The following KCNQ1 variants were observed in gnomAD, a reference collection of about 807,000 sequenced individuals.
The protein encoded by KCNQ1 is potassium voltage-gated channel subfamily KQT member 1.
A neutral mutation model predicts 72.4 loss-of-function variants in KCNQ1; 49 were observed. The ratio of observed to expected loss-of-function variants is 0.68; its 90% confidence interval spans 0.54 to 0.86. The LOEUF (loss-of-function observed/expected upper bound fraction) is 0.86, where lower values mean the gene tolerates loss of function less well. Ranked by LOEUF, KCNQ1 falls within the 40% of genes least tolerant of loss-of-function variation. The probability of loss-of-function intolerance (pLI) is 0.00; values close to 1 mark genes in which losing one functional copy is unlikely to be tolerated. For synonymous variants in KCNQ1, 450 were observed against 412.6 expected, an observed-to-expected ratio of 1.09 and a Z score of -1.10; for missense variants, 790 against 945.1, an observed-to-expected ratio of 0.84 and a Z score of 2.15.
chr11:2,656,411 C>G (rs568848594), intron 10 of KCNQ1: 2 of 398,664 alleles, frequency 5.0e-6, no homozygotes, highest in Non-Finnish European at 8.8e-6. Flanking sequence ...AGAGCCCTTT[C>G]ACTCTGAGCC....
At chr11:2,534,984 C>G (rs1340344407) in intron 2 of KCNQ1, among the ~76,000 whole-genome samples, 1 of 152,200 alleles carries the variant, frequency 6.6e-6, no homozygotes, top group Non-Finnish European at 1.5e-5. Context: ...GCACTGAGCC[C>G]CTGGAGCTAG....
At chr11:2,637,306 C>T (rs1301940157) in intron 10 of KCNQ1, 1 of 152,140 alleles carries the variant, frequency 6.6e-6, no homozygotes, top group Non-Finnish European at 1.5e-5. Flanking sequence ...CCTGCTTTCT[C>T]TTGTGGGCAT....
chr11:2,587,972 G>C (rs1378134895), intron 9 of KCNQ1, among the ~76,000 whole-genome samples: 3 of 152,136 alleles, frequency 2.0e-5, no homozygotes, highest in African/African-American at 7.2e-5. Flanking sequence ...TGGAAAGAAG[G>C]CTCTTCAGAG....
At chr11:2,570,433 A>C (rs1326952535) in intron 2 of KCNQ1, among the ~76,000 whole-genome samples, 195 bp from the exon 3 acceptor site, 1 of 152,124 alleles carries the variant, frequency 6.6e-6, no homozygotes, top group Non-Finnish European at 1.5e-5. Context: ...TATGGACATG[A>C]GCTGAAGCTG....
chr11:2,826,688 G>A lies in KCNQ1; in HGVS notation c.1795-21079G>A, dbSNP rs752627919. 2.0e-5 allele frequency among the ~76,000 whole-genome samples: 3 copies of A among 152,242 alleles called. No homozygotes were observed. Among genetic ancestry groups the A allele is most frequent in the Non-Finnish European group, 4.4e-5 (3 of 68,036 alleles). ...GGGAGAACAGAGAGGGGTGCAGAGG[G>A]CCAGAGAGGCACGGGGCTCCCCTGG... On this transcript the variant is annotated intron_variant, in intron 15 of 15. Transcript: ENST00000155840. This position sits in a 1 kb window ranked among gnomAD's most constrained non-coding sequence, Gnocchi z 4.2.
At chr11:2,845,050 C>CA (rs747359829) in intron 15 of KCNQ1, among the ~76,000 whole-genome samples, 4 of 152,156 alleles carry the variant, frequency 2.6e-5, no homozygotes, top group Non-Finnish European at 5.9e-5. Flanking sequence ...TCAGTTTCCT[C>CA]ATGTGCACCC....
chr11:2,570,393 G>C (rs1344718992), intron 2 of KCNQ1, among the ~76,000 whole-genome samples: 1 of 152,236 alleles, frequency 6.6e-6, no homozygotes, highest in Non-Finnish European at 1.5e-5. Context: ...CCTGGCCTGA[G>C]AGCTGCAGCC....
At chr11:2,811,674 G>A (rs144698447) in intron 15 of KCNQ1, among the ~76,000 whole-genome samples, 61 of 152,336 alleles carry the variant, frequency 4.0e-4, no homozygotes, top group Non-Finnish European at 6.6e-4. Context: ...CCCAGTGGGC[G>A]CGCAGCACAA....
In KCNQ1 at chr11:2,610,802, C is replaced by T. The variant is rs979904124; in HGVS notation, c.1393+21948C>T. The T allele has an allele frequency of 7.6e-5, 22 of 288,798 alleles. No homozygotes were observed. The South Asian group carries it at 9.9e-4, about 13-fold the overall frequency. 17.9% of individuals were successfully genotyped at this position (288,798 alleles called of 1,614,324 possible). On this transcript the variant is annotated intron_variant, in intron 10 of 15. Coordinates refer to ENST00000155840, the MANE Select transcript of KCNQ1 (RefSeq NM_000218.3). ...ACTTTCTGGGTACCACTGTTTCTGA[C>T]GAAAAGTCAGCTCCACATTTGTCTC...
chr11:2,611,797 C>A lies in KCNQ1; in HGVS notation c.1393+22943C>A, dbSNP rs909641264. 2 of 398,284 alleles carry A rather than the reference C, an allele frequency of 5.0e-6. No homozygotes were observed. Among genetic ancestry groups the A allele is most frequent in the Non-Finnish European group, 8.8e-6 (2 of 226,010 alleles). The allele number at this position is 398,284 out of a possible 1,614,324, so 24.7% of individuals were successfully genotyped here. On this transcript the variant is annotated intron_variant, in intron 10 of 15. Transcript: ENST00000155840. This position sits in a 1 kb window ranked among gnomAD's most constrained non-coding sequence, Gnocchi z 5.3. ...TATCACTTTTGTTCCTCTCTTCCTC[C>A]TTTACTGCCTTCTGCAGGTTGAATA...
chr11:2,587,835 T>A (rs1016481444), intron 9 of KCNQ1, 143 bp downstream of exon 9: 6 of 1,172,540 alleles, frequency 5.1e-6, no homozygotes, highest in Non-Finnish European at 7.4e-6. Flanking sequence ...TTCGGGACAC[T>A]GGGCCATACA....
rs1016972122 is a variant in KCNQ1 at position 2,784,147 on chromosome 11, C to T, written c.1794+6110C>T. ...TTGTATAGAATTAGCTCTTACATTT[C>T]GGTCTATATTTACTTTGAGGTAATT... On this transcript the variant is annotated intron_variant, in intron 15 of 15. Transcript: ENST00000155840. The surrounding 1 kb of genome is among the most constrained non-coding windows in gnomAD (Gnocchi z 4.7). 2.6e-5 allele frequency among the ~76,000 whole-genome samples: 4 copies of T among 151,728 alleles called. No homozygotes were observed. Among genetic ancestry groups the T allele is most frequent in the South Asian group, 2.1e-4 (1 of 4,818 alleles).
In KCNQ1 at chr11:2,748,927, C is replaced by G. The variant is rs1846180867; in HGVS notation, c.1515-19917C>G. 6.6e-6 allele frequency among the ~76,000 whole-genome samples: 1 copy of G among 152,236 alleles called. No individual in the cohort carries two copies. The highest frequency in any genetic ancestry group is 2.4e-5 in the African/African-American group (1 of 41,460). On this transcript the variant is annotated intron_variant, in intron 11 of 15. Coordinates refer to ENST00000155840, the MANE Select transcript of KCNQ1 (RefSeq NM_000218.3). This position sits in a 1 kb window ranked among gnomAD's most constrained non-coding sequence, Gnocchi z 6.2. ...CCCTCTTTGCGGTTGTCACCCTGTC[C>G]TTGAGTCTAACTGGGGCTGTGCTGC...
Position 2,776,989 on chromosome 11 carries a change from G to A in KCNQ1, c.1689G>A (p.Leu563=). ...MVRIKELQRR[L]DQSIGKPSLF... ...GTGTCTGTGTCCTTCTCTCCAGGCTGGACCAGTCCATTGGGAAGCCCTCAC... is the reference window on the plus strand; with the variant it reads ...GTGTCTGTGTCCTTCTCTCCAGGCTAGACCAGTCCATTGGGAAGCCCTCAC... Residue 563 remains leucine (L), a synonymous_variant, in exon 14 of 16, where the codon CTG becomes CTA. Coordinates refer to ENST00000155840, the MANE Select transcript of KCNQ1 (RefSeq NM_000218.3). The A allele has an allele frequency of 1.2e-6, 2 of 1,614,114 alleles. No homozygotes were observed. The highest frequency in any genetic ancestry group is 1.7e-6 in the Non-Finnish European group (2 of 1,179,976).
intron 11 of KCNQ1, among the ~76,000 whole-genome samples, chr11:2,754,900 A>T (rs185812453): frequency 1.3e-5 from 2 of 152,364 alleles, no homozygotes; most frequent in Admixed American, 1.3e-4. Context: ...TACCTTAAAG[A>T]ACGTGACAAG....
Position 2,671,505 on chromosome 11 carries a change from C to A in KCNQ1, c.1514+9424C>A, listed in dbSNP as rs1850182855. 1 of 398,550 alleles carries A rather than the reference C, an allele frequency of 2.5e-6. No individual in the cohort carries two copies. The highest frequency in any genetic ancestry group is 3.6e-5 in the East Asian group (1 of 28,064). The allele number at this position is 398,550 out of a possible 1,614,324, so 24.7% of individuals were successfully genotyped here. On this transcript the variant is annotated intron_variant, in intron 11 of 15. Transcript: ENST00000155840. This position sits in a 1 kb window ranked among gnomAD's most constrained non-coding sequence, Gnocchi z 4.7. ...CTGAGAAAGGGATTATTTTTAGGGC[C>A]AATTCAAGGGATTTTTCAAAGGTTA... is the stretch of plus-strand genomic sequence containing the variant.
At chr11:2,836,512 C>G (rs1002960713) in intron 15 of KCNQ1, among the ~76,000 whole-genome samples, 4 of 152,324 alleles carry the variant, frequency 2.6e-5, no homozygotes, top group East Asian at 1.9e-4. Flanking sequence ...GACCCCTCCC[C>G]CCGAACACCA....
intron 10 of KCNQ1, among the ~76,000 whole-genome samples, chr11:2,596,316 A>G (rs1190184394): frequency 6.6e-6 from 1 of 152,200 alleles, no homozygotes; most frequent in African/African-American, 2.4e-5. Context: ...ACCATATTCT[A>G]CAGCGATTCT....
intron 10 of KCNQ1, chr11:2,625,613 G>C (rs1849249885): frequency 2.6e-6 from 1 of 379,696 alleles, no homozygotes. Context: ...GTCTCACTCT[G>C]TTGCCCAAGC....
Sources: allele counts gnomAD v4.1 joint callset (sites outside exome capture counted in the v4.1 genomes callset), GRCh38; gene constraint gnomAD v4.1.1; non-coding constraint Gnocchi (gnomAD v3.1); transcripts MANE v1.5; gene names NCBI Gene and HGNC (gene_info 2026-07-23, HGNC 2026-07-21).